PPARG: variants seen among roughly 807,000 people sequenced by gnomAD.
PPARG encodes the protein peroxisome proliferator activated receptor gamma, also known as peroxisome proliferator-activated receptor gamma.
PPARG carries 17 observed loss-of-function variants against 39.2 expected under a neutral mutation model. The observed-to-expected ratio is 0.43, with a 90% CI of 0.30 to 0.65. The LOEUF (loss-of-function observed/expected upper bound fraction) is 0.65, where lower values mean the gene tolerates loss of function less well. Ranked by LOEUF, PPARG falls within the 30% of genes least tolerant of loss-of-function variation. PPARG has a pLI of 0.13. For missense variants in PPARG, 406 were observed against 585.9 expected (o/e 0.69, Z 3.17); for synonymous variants, 223 against 215.7 (o/e 1.03, Z -0.30).
intron 4 of PPARG, among the ~76,000 whole-genome samples, chr3:12,382,650 A>G (rs1453392430): frequency 6.6e-6 from 1 of 152,178 alleles, no homozygotes; most frequent in East Asian, 1.9e-4. Flanking sequence ...GTATTTAACC[A>G]CATCCTACCC....
At chr3:12,396,377 C>A (rs1025745165) in intron 5 of PPARG, among the ~76,000 whole-genome samples, 3 of 152,190 alleles carry the variant, frequency 2.0e-5, no homozygotes, top group Non-Finnish European at 4.4e-5. Flanking sequence ...CCACCTCAGC[C>A]TCCCAAAGTG....
chr3:12,326,538 C>G (rs928201730), intron 2 of PPARG, among the ~76,000 whole-genome samples: 3 of 152,028 alleles, frequency 2.0e-5, no homozygotes, highest in African/African-American at 7.3e-5. Flanking sequence ...TTTTACATAG[C>G]GCTGTTTTGG....
At chr3:12,352,192 G>A (rs947782665) in intron 2 of PPARG, among the ~76,000 whole-genome samples, 1 of 152,212 alleles carries the variant, frequency 6.6e-6, no homozygotes, top group Non-Finnish European at 1.5e-5. Flanking sequence ...AATTCCCAGA[G>A]TGTAGGACCA....
At chr3:12,367,261 A>G (rs2049046919) in intron 2 of PPARG, among the ~76,000 whole-genome samples, 1 of 152,200 alleles carries the variant, frequency 6.6e-6, no homozygotes, top group Non-Finnish European at 1.5e-5. Flanking sequence ...TTCTTCACGT[A>G]CTAGACAAAG....
intron 2 of PPARG, among the ~76,000 whole-genome samples, chr3:12,321,147 CCCTTTAAAATGTGTGGCCTCTGTGT>C (rs1162585420): frequency 6.6e-5 from 10 of 152,252 alleles, no homozygotes; most frequent in Admixed American, 3.9e-4. Flanking sequence ...CAGCAGTCAC[CCCTTTAAAATGTGTGGCCTCTGTGT>C]CCGATGGCGT....
chr3:12,297,107 A>G (rs1183134692), intron 1 of PPARG, among the ~76,000 whole-genome samples: 1 of 152,250 alleles, frequency 6.6e-6, no homozygotes, highest in African/African-American at 2.4e-5. Flanking sequence ...AGTTTCATAA[A>G]AGCATTGTTA....
Position 12,364,780 on chromosome 3 carries a change from G to A in PPARG, c.-8-14924G>A, listed in dbSNP as rs147276160. On this transcript the variant is annotated intron_variant, in intron 2 of 7. Coordinates refer to ENST00000651735, the MANE Select transcript of PPARG (RefSeq NM_138711.6). Reference sequence around the variant, plus strand: ...TCTTGTTTTAGTTTGCAGTGCTCTCGTGACATATGATGTTGAAGATCTTTT... The same window carrying A: ...TCTTGTTTTAGTTTGCAGTGCTCTCATGACATATGATGTTGAAGATCTTTT... 2.6e-3 allele frequency among the ~76,000 whole-genome samples: 391 copies of A among 152,250 alleles called. 3 individuals are homozygous for A. The highest frequency in any genetic ancestry group is 9.1e-3 in the African/African-American group (377 of 41,536).
chr3:12,398,204 A>G (rs773095584), intron 5 of PPARG, among the ~76,000 whole-genome samples: 6 of 152,190 alleles, frequency 3.9e-5, no homozygotes, highest in Admixed American at 2.0e-4. Flanking sequence ...AATGATAGAG[A>G]AAAGACTGGA....
intron 2 of PPARG, among the ~76,000 whole-genome samples, chr3:12,371,264 G>A (rs190788454): frequency 2.2e-4 from 34 of 152,212 alleles, no homozygotes; most frequent in Non-Finnish European, 3.7e-4. Flanking sequence ...CAATAGGGTT[G>A]GATTGGAACC....
intron 2 of PPARG, among the ~76,000 whole-genome samples, chr3:12,336,133 G>T (rs2048005521): frequency 1.3e-5 from 2 of 152,170 alleles, no homozygotes; most frequent in African/African-American, 4.8e-5. Context: ...TGGGAGTTAT[G>T]AGAATGTATC....
chr3:12,322,598 T>C (rs2047576611), intron 2 of PPARG, among the ~76,000 whole-genome samples: 1 of 152,132 alleles, frequency 6.6e-6, no homozygotes, highest in Non-Finnish European at 1.5e-5. Flanking sequence ...TGTGGATACA[T>C]GAGAAGGAAG....
chr3:12,361,320 T>C (rs1399734130), intron 2 of PPARG, among the ~76,000 whole-genome samples: 7 of 152,192 alleles, frequency 4.6e-5, no homozygotes, highest in Admixed American at 3.9e-4. Context: ...TTACTCTGTG[T>C]GCTTTTTCGT....
intron 4 of PPARG, among the ~76,000 whole-genome samples, chr3:12,382,686 G>T (rs2049722884): frequency 6.6e-6 from 1 of 152,148 alleles, no homozygotes; most frequent in African/African-American, 2.4e-5. Context: ...TAAAATGATT[G>T]TGGCTGAGTG....
chr3:12,348,445 A>G (rs2048387654), intron 2 of PPARG, among the ~76,000 whole-genome samples: 1 of 152,220 alleles, frequency 6.6e-6, no homozygotes, highest in African/African-American at 2.4e-5. Flanking sequence ...AGCTTTCTCT[A>G]ATACCAAGCG....
chr3:12,330,016 C>T (rs1485773529), intron 2 of PPARG, among the ~76,000 whole-genome samples: 1 of 152,028 alleles, frequency 6.6e-6, no homozygotes, highest in African/African-American at 2.4e-5. Flanking sequence ...GGATATATAC[C>T]ACATTGTGTT....
chr3:12,367,104 T>A (rs530276874), intron 2 of PPARG, among the ~76,000 whole-genome samples: 1 of 152,178 alleles, frequency 6.6e-6, no homozygotes, highest in Non-Finnish European at 1.5e-5. Context: ...TATTTCATCT[T>A]GTATGAGTTT....
At chr3:12,332,654 A>G (rs2047894689) in intron 2 of PPARG, among the ~76,000 whole-genome samples, 1 of 152,160 alleles carries the variant, frequency 6.6e-6, no homozygotes, top group African/African-American at 2.4e-5. Context: ...ATTGTCTTTG[A>G]TTACTGATCA....
chr3:12,324,635 A>C (rs1473824911), intron 2 of PPARG, among the ~76,000 whole-genome samples: 2 of 152,142 alleles, frequency 1.3e-5, no homozygotes, highest in African/African-American at 4.8e-5. Context: ...TTAACTTTCT[A>C]AGCATTCTGG....
chr3:12,376,010 C>T (rs977967374), intron 2 of PPARG, among the ~76,000 whole-genome samples: 8 of 150,938 alleles, frequency 5.3e-5, no homozygotes, highest in East Asian at 1.9e-4. Context: ...AGTGCAGTGG[C>T]GTGATCTCAG....
Sources: allele counts gnomAD v4.1 joint callset (sites outside exome capture counted in the v4.1 genomes callset), GRCh38; gene constraint gnomAD v4.1.1; transcripts MANE v1.5; gene names NCBI Gene and HGNC (gene_info 2026-07-23, HGNC 2026-07-21).